The following AIG1 variants were observed in gnomAD, a reference collection of about 807,000 sequenced individuals.
AIG1 encodes androgen induced 1.
AIG1 carries 23 observed loss-of-function variants against 31.4 expected under a neutral mutation model. The ratio of observed to expected loss-of-function variants is 0.73; its 90% CI spans 0.53 to 1.04. The LOEUF (loss-of-function observed/expected upper bound fraction) is 1.04. AIG1 is among the 50% of genes least tolerant of loss of function. The probability of loss-of-function intolerance (pLI) is 0.00; values close to 1 mark genes in which losing one functional copy is unlikely to be tolerated. For missense variants in AIG1, 274 were observed against 295.0 expected (o/e 0.93, Z 0.52); for synonymous variants, 100 against 110.5 (o/e 0.90, Z 0.60).
Position 143,328,622 on chromosome 6 carries a change from TA to T in AIG1, c.516-4659del, listed in dbSNP as rs1180071305. 1.3e-5 allele frequency among the ~76,000 whole-genome samples: 2 copies of T among 152,232 alleles called. No individual in the cohort carries two copies. The highest frequency in any genetic ancestry group is 2.9e-5 in the Non-Finnish European group (2 of 68,034). On this transcript the variant is annotated intron_variant, in intron 4 of 5. Transcript: ENST00000357847. This position sits in a 1 kb window ranked among gnomAD's most constrained non-coding sequence, Gnocchi z 4.0. The stretch of plus-strand genomic sequence containing the variant: ...TTTACTTTTTTTCATCGATGCATTA[TA>T]GATGTACACAGTTTCAAGGTATATG...
At chr6:143,296,855 T>C (rs1403460252) in intron 4 of AIG1, among the ~76,000 whole-genome samples, 1 of 152,224 alleles carries the variant, frequency 6.6e-6, no homozygotes, top group African/African-American at 2.4e-5. Flanking sequence ...ATTGTTATTG[T>C]AATATTTTAA....
rs530503145 is a variant in AIG1 at position 143,085,445 on chromosome 6, G to C, written c.141+24379G>C. ...CACCTTTCTTGACCACAAAGAAAGG[G>C]GTCCAGGCTGCTGGATTCTAGTGGT... On this transcript the variant is annotated intron_variant, in intron 1 of 5. Coordinates refer to ENST00000357847, the MANE Select transcript of AIG1 (RefSeq NM_016108.4). 6.6e-5 allele frequency among the ~76,000 whole-genome samples: 10 copies of C among 152,246 alleles called. No homozygotes were observed. In the South Asian group the frequency reaches 2.1e-3, roughly 32 times the overall value.
chr6:143,266,346 C>CAAAA lies in AIG1; in HGVS notation c.400-17748_400-17745dup, dbSNP rs398002969. On this transcript the variant is annotated intron_variant, in intron 3 of 5. Coordinates refer to ENST00000357847, the MANE Select transcript of AIG1 (RefSeq NM_016108.4). ...TGGACAATAGAGTAAGAGTCCGTCT[C>CAAAA]AAAAAAAAAAAAAAAAAAAGAATAA... Among the ~76,000 whole-genome samples, 525 of 93,030 alleles carry CAAAA rather than the reference C, an allele frequency of 5.6e-3. 12 individuals carry two copies. Among genetic ancestry groups the CAAAA allele is most frequent in the African/African-American group, 0.018 (454 of 24,840 alleles). 61.0% of individuals were successfully genotyped at this position (93,030 alleles called of 152,430 possible).
At chr6:143,319,166 AC>A (rs1280371224) in intron 4 of AIG1, among the ~76,000 whole-genome samples, 1 of 152,204 alleles carries the variant, frequency 6.6e-6, no homozygotes, top group African/African-American at 2.4e-5. Flanking sequence ...TGAAAAAGAC[AC>A]TTGCACATAC....
chr6:143,110,625 A>G (rs1781181519), intron 1 of AIG1, among the ~76,000 whole-genome samples: 1 of 152,208 alleles, frequency 6.6e-6, no homozygotes, highest in Admixed American at 6.5e-5. Flanking sequence ...TAAACAAAAC[A>G]TTATAGAGGA....
At chr6:143,079,285 C>T (rs1778000500) in intron 1 of AIG1, among the ~76,000 whole-genome samples, 1 of 152,000 alleles carries the variant, frequency 6.6e-6, no homozygotes, top group South Asian at 2.1e-4. Flanking sequence ...TTTCCTCTAT[C>T]CTCAGACTGG....
intron 3 of AIG1, among the ~76,000 whole-genome samples, chr6:143,181,449 CT>C (rs1441644430): frequency 6.6e-6 from 1 of 152,182 alleles, no homozygotes; most frequent in African/African-American, 2.4e-5. Context: ...ATGATGATAG[CT>C]TCTTCCATTG....
intron 1 of AIG1, among the ~76,000 whole-genome samples, chr6:143,089,394 G>T (rs543416315): frequency 2.0e-5 from 3 of 152,022 alleles, no homozygotes; most frequent in African/African-American, 7.2e-5. Context: ...TTCCATCTAT[G>T]AGCTCTCTGA....
chr6:143,289,697 T>G (rs1014864351), intron 4 of AIG1, among the ~76,000 whole-genome samples: 9 of 152,176 alleles, frequency 5.9e-5, no homozygotes, highest in African/African-American at 2.2e-4. Context: ...GTACCTCAAG[T>G]TTCTGCTGGA....
At chr6:143,061,243 G>A in intron 1 of AIG1, 177 bp downstream of exon 1, 1 of 800,088 alleles carries the variant, frequency 1.2e-6, no homozygotes, top group Non-Finnish European at 2.1e-6. Flanking sequence ...GGCTGCCCCC[G>A]CAGCGGCACC....
At chr6:143,296,775 A>T (rs953739314) in intron 4 of AIG1, among the ~76,000 whole-genome samples, 2 of 152,216 alleles carry the variant, frequency 1.3e-5, no homozygotes, top group African/African-American at 4.8e-5. Flanking sequence ...GCCATATAAA[A>T]CATTGACTTT....
intron 1 of AIG1, among the ~76,000 whole-genome samples, chr6:143,096,088 A>G (rs1302922484): frequency 6.6e-6 from 1 of 151,708 alleles, no homozygotes; most frequent in East Asian, 1.9e-4. Context: ...TTGTATTTTT[A>G]GTAGAGACAG....
At chr6:143,235,200 G>A (rs998198161) in intron 3 of AIG1, among the ~76,000 whole-genome samples, 9 of 152,150 alleles carry the variant, frequency 5.9e-5, no homozygotes, top group Non-Finnish European at 1.3e-4. Flanking sequence ...TGCCCCGGGT[G>A]CTGTGGAAAC....
intron 3 of AIG1, among the ~76,000 whole-genome samples, chr6:143,218,940 C>T (rs1328539811): frequency 6.6e-6 from 1 of 152,218 alleles, no homozygotes; most frequent in African/African-American, 2.4e-5. Flanking sequence ...TCTCAAACCT[C>T]ACTCCTAGAC....
At chr6:143,091,421 C>T (rs907289716) in intron 1 of AIG1, among the ~76,000 whole-genome samples, 89 of 152,326 alleles carry the variant, frequency 5.8e-4, no homozygotes, top group Non-Finnish European at 7.9e-4. Context: ...TTCGATCTGA[C>T]AGTGCAACTG....
rs1292825119 is a variant in AIG1 at position 143,329,184 on chromosome 6, A to G, written c.516-4098A>G. On this transcript the variant is annotated intron_variant, in intron 4 of 5. Coordinates refer to ENST00000357847, the MANE Select transcript of AIG1 (RefSeq NM_016108.4). The surrounding 1 kb of genome is among the most constrained non-coding windows in gnomAD (Gnocchi z 4.9). ...TAAGAAAACCAAACCAAAACAAACA[A>G]GAAACGCTCAATTCCATTTTGGAGA... 6.6e-6 allele frequency among the ~76,000 whole-genome samples: 1 copy of G among 152,230 alleles called. No homozygotes were observed. Among genetic ancestry groups the G allele is most frequent in the Non-Finnish European group, 1.5e-5 (1 of 68,036 alleles).
chr6:143,223,493 A>T (rs890320361), intron 3 of AIG1, among the ~76,000 whole-genome samples: 2 of 152,154 alleles, frequency 1.3e-5, no homozygotes, highest in African/African-American at 2.4e-5. Context: ...TTCAAATGTA[A>T]ATAATTTGAA....
At chr6:143,182,219 A>C (rs1788796074) in intron 3 of AIG1, among the ~76,000 whole-genome samples, 1 of 152,074 alleles carries the variant, frequency 6.6e-6, no homozygotes, top group Admixed American at 6.5e-5. Flanking sequence ...TTTTTTGTAG[A>C]GCCAGGTTCT....
intron 3 of AIG1, among the ~76,000 whole-genome samples, chr6:143,252,138 A>C (rs1795051015): frequency 6.6e-6 from 1 of 151,848 alleles, no homozygotes; most frequent in Admixed American, 6.6e-5. Flanking sequence ...TTTTATTTTG[A>C]GGCAGTGTTT....
Sources: gnomAD v4.1 joint callset for allele counts (sites outside exome capture counted in the v4.1 genomes callset) on GRCh38, gnomAD v4.1.1 for gene constraint, Gnocchi (gnomAD v3.1) non-coding constraint, MANE v1.5 for transcripts, NCBI Gene and HGNC (gene_info 2026-07-23, HGNC 2026-07-21) for gene names.